CLCN5: variants seen among roughly 807,000 people sequenced by gnomAD.
CLCN5 encodes the protein H(+)/Cl(-) exchange transporter 5.
CLCN5 carries 17 observed loss-of-function variants against 54.0 expected under a neutral mutation model. The ratio of observed to expected loss-of-function variants is 0.31; its 90% CI spans 0.22 to 0.47. CLCN5 has a LOEUF of 0.47. Ranked by LOEUF, CLCN5 falls within the 20% of genes least tolerant of loss-of-function variation. The pLI, the probability that CLCN5 is intolerant of heterozygous loss-of-function variation, is 1.00. For missense variants in CLCN5, 448 were observed against 646.7 expected (o/e 0.69, Z 3.33); for synonymous variants, 222 against 233.0 (o/e 0.95, Z 0.43).
chrX:49,965,893 A>G (rs1557175379), intron 3 of CLCN5, among the ~76,000 whole-genome samples: 1 of 112,206 alleles, frequency 8.9e-6, no homozygotes, highest in Non-Finnish European at 1.9e-5. Context: ...ATAGTCTTTT[A>G]ATATGGCTAA....
intron 3 of CLCN5, among the ~76,000 whole-genome samples, chrX:49,985,747 A>G (rs1419397196): frequency 9.0e-6 from 1 of 111,275 alleles, no homozygotes; most frequent in African/African-American, 3.3e-5. Flanking sequence ...TTTTATTTGC[A>G]TTAACAAACT....
intron 3 of CLCN5, among the ~76,000 whole-genome samples, chrX:50,038,217 G>A (rs1932077260): frequency 8.9e-6 from 1 of 111,762 alleles, no homozygotes; most frequent in African/African-American, 3.2e-5. Context: ...TATATAAATT[G>A]AATATAATTT....
chrX:50,073,105 C>T (rs1444222966), intron 6 of CLCN5, among the ~76,000 whole-genome samples: 3 of 110,268 alleles, frequency 2.7e-5, no homozygotes, highest in Non-Finnish European at 5.7e-5. Flanking sequence ...CTATAAACTC[C>T]TTCAACCTTC....
In CLCN5 at chrX:49,971,567, C is replaced by T. The variant is rs979096595; in HGVS notation, c.16+46253C>T. Among the ~76,000 whole-genome samples, 4 of 110,798 alleles carry T rather than the reference C, an allele frequency of 3.6e-5. No homozygotes were observed. The Admixed American group carries it at 3.9e-4, about 11-fold the overall frequency. ...TTCCTACTTTACTGAGTGATTTTAT[C>T]ATGAAAGGATATTGCAGCCTCTGCC... On this transcript the variant is annotated intron_variant, in intron 3 of 14. Transcript: ENST00000376091.
At chrX:50,046,685 G>A (rs1331560191) in intron 4 of CLCN5, among the ~76,000 whole-genome samples, 1 of 111,456 alleles carries the variant, frequency 9.0e-6, no homozygotes, top group Non-Finnish European at 1.9e-5. Flanking sequence ...TAAAAGCAGA[G>A]GAATGATATG....
intron 3 of CLCN5, among the ~76,000 whole-genome samples, chrX:49,978,732 G>C (rs1422377018): frequency 1.8e-5 from 2 of 112,012 alleles, no homozygotes; most frequent in African/African-American, 6.5e-5. Flanking sequence ...AATTCTTACA[G>C]AATGATTTTA....
chrX:49,994,356 G>A (rs1312903073), intron 3 of CLCN5, among the ~76,000 whole-genome samples: 3 of 110,693 alleles, frequency 2.7e-5, no homozygotes, highest in Non-Finnish European at 5.7e-5. Context: ...GAGTGGTGGT[G>A]GGGGGCTAGC....
At chrX:50,014,669 CAG>C (rs1569538763) in intron 3 of CLCN5, 2 of 341,564 alleles carry the variant, frequency 5.9e-6, no homozygotes, top group Middle Eastern at 9.1e-4. Context: ...GGCAAGGATT[CAG>C]AGAGGGGGAG....
chrX:50,057,850 A>G lies in CLCN5; in HGVS notation c.164-12029A>G, dbSNP rs1182533607. Reference sequence around the variant, plus strand: ...ATTAATTATCAGGGCTTCCGCTGTAATGTACTATCAGACAAATAGGTGAAA... The same window carrying G: ...ATTAATTATCAGGGCTTCCGCTGTAGTGTACTATCAGACAAATAGGTGAAA... On this transcript the variant is annotated intron_variant, in intron 4 of 14. Coordinates refer to ENST00000376091, the MANE Select transcript of CLCN5 (RefSeq NM_001127898.4). Among the ~76,000 whole-genome samples the G allele has an allele frequency of 2.9e-4, 32 of 110,514 alleles. No individual in the cohort carries two copies. The Admixed American group carries it at 3.1e-3, about 11-fold the overall frequency.
chrX:50,092,367 C>A lies in CLCN5; in HGVS notation c.*148C>A. ...CTTTCCTACAAGTTAACCAGTTGCA[C>A]TACATAATCTCTGGAAATTAATTTT... On this transcript the variant is annotated 3_prime_UTR_variant, in exon 15 of 15. Coordinates refer to ENST00000376091, the MANE Select transcript of CLCN5 (RefSeq NM_001127898.4). 2.2e-6 allele frequency: 1 copy of A among 453,697 alleles called. No homozygotes were observed. The highest frequency in any genetic ancestry group is 3.9e-6 in the Non-Finnish European group (1 of 257,939). The allele number at this position is 453,697 out of a possible 1,213,427, so 37.4% of individuals were successfully genotyped here.
chrX:50,063,280 AAAG>A (rs1330917259), intron 4 of CLCN5, among the ~76,000 whole-genome samples: 2 of 96,057 alleles, frequency 2.1e-5, no homozygotes, highest in Non-Finnish European at 4.0e-5. Flanking sequence ...ATAAAGAAAA[AAAG>A]AGAGAAGAAT....
intron 3 of CLCN5, among the ~76,000 whole-genome samples, chrX:49,932,379 C>T (rs1557168994): frequency 8.9e-6 from 1 of 112,278 alleles, no homozygotes; most frequent in African/African-American, 3.2e-5. Context: ...TTTTATCTTC[C>T]TTTTTTTATA....
chrX:50,082,164 T>G (rs1449969908), intron 9 of CLCN5, among the ~76,000 whole-genome samples: 1 of 112,141 alleles, frequency 8.9e-6, no homozygotes, highest in Non-Finnish European at 1.9e-5. Context: ...ACCTTTTATA[T>G]ATTGACTTGG....
intron 3 of CLCN5, among the ~76,000 whole-genome samples, chrX:50,025,320 C>T (rs1931305189): frequency 1.3e-5 from 1 of 78,583 alleles, no homozygotes; most frequent in South Asian, 8.0e-4. Flanking sequence ...TGAGGCAATG[C>T]CTCGCCCTGC....
chrX:50,006,460 G>A (rs1303631404), intron 3 of CLCN5, among the ~76,000 whole-genome samples: 1 of 111,938 alleles, frequency 8.9e-6, no homozygotes, highest in Non-Finnish European at 1.9e-5. Flanking sequence ...TTGAATGCCT[G>A]TTGGATTTGG....
intron 4 of CLCN5, among the ~76,000 whole-genome samples, chrX:50,066,118 T>A (rs1355333158): frequency 1.0e-5 from 1 of 95,905 alleles, no homozygotes; most frequent in Non-Finnish European, 2.0e-5. Context: ...CACATGTAAC[T>A]AACCTGCACA....
chrX:50,018,720 TTTC>T (rs1323037723), intron 3 of CLCN5, among the ~76,000 whole-genome samples: 1 of 112,501 alleles, frequency 8.9e-6, no homozygotes, highest in Non-Finnish European at 1.9e-5. Flanking sequence ...TCATGTGATT[TTTC>T]TTCTTAAGCC....
intron 3 of CLCN5, among the ~76,000 whole-genome samples, chrX:50,041,583 T>C (rs782052212): frequency 1.8e-5 from 2 of 110,884 alleles, no homozygotes; most frequent in East Asian, 2.8e-4. Context: ...TAATTTTTTT[T>C]CCCCATTCTC....
chrX:50,079,787 A>G (rs781866886), intron 7 of CLCN5, among the ~76,000 whole-genome samples: 11 of 110,817 alleles, frequency 9.9e-5, no homozygotes, highest in Non-Finnish European at 1.9e-4. Flanking sequence ...TACCTGGGGC[A>G]TGGAGGAGGA....
Sources: allele counts gnomAD v4.1 joint callset (sites outside exome capture counted in the v4.1 genomes callset), GRCh38; gene constraint gnomAD v4.1.1; transcripts MANE v1.5; gene names NCBI Gene and HGNC (gene_info 2026-07-23, HGNC 2026-07-21).